Variants in BBS2 observed in about 807,000 individuals in gnomAD.
The protein encoded by BBS2 is Bardet-Biedl syndrome 2, also known as BBSome complex member BBS2.
BBS2 carries 62 observed loss-of-function variants against 83.0 expected under a neutral mutation model. The ratio of observed to expected loss-of-function variants is 0.75; its 90% confidence interval spans 0.61 to 0.92. The LOEUF is 0.92. Among genes scored for constraint, BBS2 ranks in the 40% least tolerant of loss-of-function variants. The pLI, the probability that BBS2 is intolerant of heterozygous loss-of-function variation, is 0.00. For missense variants in BBS2, 784 were observed against 901.0 expected (o/e 0.87, Z 1.66); for synonymous variants, 303 against 326.1 (o/e 0.93, Z 0.76).
At chr16:56,482,064 G>A (rs929549769), downstream of BBS2, among the ~76,000 whole-genome samples, 1 of 152,140 alleles carries the variant, frequency 6.6e-6, no homozygotes, top group Non-Finnish European at 1.5e-5. Flanking sequence ...CTGGCCATGA[G>A]TATTTTTAGG....
intron 17 of BBS2, chr16:56,475,422 A>G (rs1963415568): frequency 1.6e-6 from 2 of 1,241,714 alleles, no homozygotes; most frequent in Non-Finnish European, 2.4e-6. Context: ...CCCACTGTTA[A>G]GCAGCATGGG....
chr16:56,502,224 A>G, intron 9 of BBS2, 93 bp downstream of exon 9: 1 of 1,554,412 alleles, frequency 6.4e-7, no homozygotes, highest in Non-Finnish European at 8.9e-7. Flanking sequence ...CACCCTGGCA[A>G]TGACACTCTC....
intron 2 of BBS2, among the ~76,000 whole-genome samples, chr16:56,512,007 G>A (rs1406135853): frequency 6.6e-6 from 1 of 152,014 alleles, no homozygotes; most frequent in Non-Finnish European, 1.5e-5. Flanking sequence ...CAATAATAAA[G>A]AGACAAACTA....
At chr16:56,493,585 C>A (rs941384463) in intron 15 of BBS2, among the ~76,000 whole-genome samples, 5 of 151,840 alleles carry the variant, frequency 3.3e-5, no homozygotes, top group African/African-American at 1.2e-4. Flanking sequence ...TAGACTTTTC[C>A]GTGCATGCCT....
In BBS2 at chr16:56,484,476, A is replaced by G. The variant is rs1390685330; in HGVS notation, c.*285T>C. The G allele has an allele frequency of 3.6e-6, 1 of 280,500 alleles. No individual in the cohort carries two copies. Among genetic ancestry groups the G allele is most frequent in the Admixed American group, 4.6e-5 (1 of 21,618 alleles). 17.4% of individuals were successfully genotyped at this position (280,500 alleles called of 1,614,324 possible). ...TTTCAAGAAAAAAATATGTATTTAT[A>G]TACCATAAATAAGCAAAATTGGACT... On this transcript the variant is annotated 3_prime_UTR_variant, in exon 17 of 17. Transcript: ENST00000245157.
chr16:56,516,419 C>A (rs1309107905), intron 1 of BBS2, among the ~76,000 whole-genome samples: 2 of 152,088 alleles, frequency 1.3e-5, no homozygotes, highest in Non-Finnish European at 2.9e-5. Flanking sequence ...TTTTTTGAGA[C>A]GGAGTCTTGC....
chr16:56,470,584 T>G (rs1328672196), exon 18 of BBS2: 5 of 1,614,204 alleles, frequency 3.1e-6, no homozygotes, highest in Non-Finnish European at 3.4e-6. Flanking sequence ...GCTCTCCAAC[T>G]TCACAGGCCT....
At chr16:56,482,131 G>A (rs1963672755), downstream of BBS2, among the ~76,000 whole-genome samples, 1 of 152,294 alleles carries the variant, frequency 6.6e-6, no homozygotes, top group African/African-American at 2.4e-5. Context: ...ATGAGATTAT[G>A]TTATTAGACT....
intron 5 of BBS2, among the ~76,000 whole-genome samples, chr16:56,507,728 G>T (rs1266995600): frequency 6.6e-6 from 1 of 152,184 alleles, no homozygotes; most frequent in Non-Finnish European, 1.5e-5. Context: ...AACACTTTGG[G>T]AGGCTGAGGC....
rs375266758 is a variant in BBS2, at chr16:56,498,004, G to GA, written c.1660-125dup. 45 of 1,037,524 alleles carry GA rather than the reference G, an allele frequency of 4.3e-5. No homozygotes were observed. The Middle Eastern group carries it at 1.5e-3, about 35-fold the overall frequency. 64.3% of individuals were successfully genotyped at this position (1,037,524 alleles called of 1,614,324 possible). On this transcript the variant is annotated intron_variant, in intron 13 of 16. Transcript: ENST00000245157. Reference sequence around the variant, plus strand: ...TGCATATATATATATATGCAGTGTTGAAAAAGGAAAGTTTAGCTCTCAAAG... The same window carrying GA: ...TGCATATATATATATATGCAGTGTTGAAAAAAGGAAAGTTTAGCTCTCAAAG...
At chr16:56,498,332 G>A in intron 13 of BBS2, 105 bp downstream of exon 13, 1 of 1,444,610 alleles carries the variant, frequency 6.9e-7, no homozygotes. Flanking sequence ...TGGACTGAAT[G>A]GTAAACACCA....
At chr16:56,501,565 T>C in intron 9 of BBS2, 68 bp from the exon 10 acceptor site, 1 of 1,587,874 alleles carries the variant, frequency 6.3e-7, no homozygotes, top group Non-Finnish European at 8.6e-7. Flanking sequence ...TTTTAAATAA[T>C]ATTGCTATTC....
At chr16:56,508,718 T>A in intron 5 of BBS2, among the ~76,000 whole-genome samples, 1 of 151,200 alleles carries the variant, frequency 6.6e-6, no homozygotes, top group Admixed American at 6.6e-5. Flanking sequence ...TGATCATAGC[T>A]CACTGTAGCC....
intron 1 of BBS2, among the ~76,000 whole-genome samples, chr16:56,518,442 A>T (rs1964813335): frequency 6.6e-6 from 1 of 152,232 alleles, no homozygotes; most frequent in Non-Finnish European, 1.5e-5. Context: ...TAAAAAGAAA[A>T]TAACAGGTAA....
At chr16:56,508,783 C>T (rs1567581176) in intron 5 of BBS2, among the ~76,000 whole-genome samples, 2 of 151,890 alleles carry the variant, frequency 1.3e-5, no homozygotes, top group African/African-American at 4.8e-5. Context: ...GCAGCTGGGA[C>T]TACAGACGTG....
chr16:56,498,705 A>AG (rs751046615), intron 12 of BBS2, 137 bp from the exon 13 acceptor site: 7 of 1,527,590 alleles, frequency 4.6e-6, no homozygotes, highest in African/African-American at 2.8e-5. Flanking sequence ...TGCTTTGTTG[A>AG]GAAAAAAAAA....
At chr16:56,511,313 T>G (rs370243372) in intron 2 of BBS2, 29 bp from the exon 3 acceptor site, 1 of 1,612,526 alleles carries the variant, frequency 6.2e-7, no homozygotes, top group African/African-American at 1.3e-5. Context: ...CACATTATCT[T>G]AGACACGATA....
intron 2 of BBS2, among the ~76,000 whole-genome samples, chr16:56,513,624 T>C (rs1964642108): frequency 1.3e-5 from 2 of 152,224 alleles, no homozygotes; most frequent in Non-Finnish European, 2.9e-5. Flanking sequence ...CCATTGTTTA[T>C]GAAATGTCTA....
intron 14 of BBS2, 96 bp from the exon 15 acceptor site, chr16:56,497,175 C>A (rs1964138489): frequency 1.2e-6 from 1 of 836,488 alleles, no homozygotes; most frequent in Non-Finnish European, 2.1e-6. Context: ...CAGAGACCCC[C>A]TTCTTTCCCC....
Sources: allele counts gnomAD v4.1 joint callset (sites outside exome capture counted in the v4.1 genomes callset), GRCh38; gene constraint gnomAD v4.1.1; transcripts MANE v1.5; gene names NCBI Gene and HGNC (gene_info 2026-07-23, HGNC 2026-07-21).